VCL: variants seen among roughly 807,000 people sequenced by gnomAD.
The protein encoded by VCL is epididymis luminal protein 114.
A neutral mutation model predicts 125.7 loss-of-function variants in VCL; 47 were observed. That is an observed-to-expected ratio of 0.37 (90% CI 0.30 to 0.48). VCL has a LOEUF of 0.48. VCL is among the 20% of genes least tolerant of loss of function. The pLI is 0.99. For synonymous variants in VCL, 458 were observed against 514.6 expected (o/e 0.89, Z 1.49); for missense variants, 1,069 against 1,455.5 (o/e 0.73, Z 4.32).
intron 2 of VCL, among the ~76,000 whole-genome samples, chr10:74,066,063 T>TATATATGTA (rs1297685805): frequency 1.0e-5 from 1 of 95,636 alleles, no homozygotes. Flanking sequence ...ATATATATAT[T>TATATATGTA]TTTTTTTTTT....
At chr10:74,070,181 C>G (rs1841642548) in intron 2 of VCL, among the ~76,000 whole-genome samples, 1 of 152,100 alleles carries the variant, frequency 6.6e-6, no homozygotes, top group Non-Finnish European at 1.5e-5. Flanking sequence ...CATGCTTTGG[C>G]ATTTTATTTC....
At chr10:74,030,727 C>T (rs1257350690) in intron 1 of VCL, among the ~76,000 whole-genome samples, 2 of 152,280 alleles carry the variant, frequency 1.3e-5, no homozygotes, top group East Asian at 3.9e-4. Flanking sequence ...TGCTGCCAGA[C>T]CTTCTAAGAT....
intron 10 of VCL, among the ~76,000 whole-genome samples, chr10:74,090,511 A>G (rs760078819): frequency 3.9e-5 from 6 of 152,192 alleles, no homozygotes; most frequent in Non-Finnish European, 5.9e-5. Context: ...TCTTTGATAC[A>G]TCATGTTTAT....
intron 8 of VCL, among the ~76,000 whole-genome samples, chr10:74,084,605 T>C (rs1053221659): frequency 6.7e-6 from 1 of 150,168 alleles, no homozygotes; most frequent in African/African-American, 2.5e-5. Flanking sequence ...TCTTTTTCTT[T>C]TTCTTTTTCT....
chr10:74,074,586 G>A (rs371841736), intron 5 of VCL, among the ~76,000 whole-genome samples, 157 bp from the exon 6 acceptor site: 6 of 152,052 alleles, frequency 3.9e-5, no homozygotes, highest in African/African-American at 7.2e-5. Flanking sequence ...GGTTGTTAAT[G>A]TTGGAACTTT....
At chr10:74,070,878 T>C in intron 3 of VCL, 58 bp downstream of exon 3, 1 of 1,612,478 alleles carries the variant, frequency 6.2e-7, no homozygotes, top group Non-Finnish European at 8.5e-7. Context: ...GATTGATGAT[T>C]GTTTAGAATG....
At chr10:74,008,409 G>A (rs1165009755) in intron 1 of VCL, among the ~76,000 whole-genome samples, 2 of 152,212 alleles carry the variant, frequency 1.3e-5, no homozygotes, top group Non-Finnish European at 2.9e-5. Context: ...AATTCATAAT[G>A]TGAGAGTATG....
rs143756208 is a variant in VCL at position 74,051,492 on chromosome 10, C to T, written c.239+8339C>T. Among the ~76,000 whole-genome samples, 529 of 152,270 alleles carry T rather than the reference C, an allele frequency of 3.5e-3. 1 individual carries two copies. The highest frequency in any genetic ancestry group is 0.012 in the African/African-American group (488 of 41,548). On this transcript the variant is annotated intron_variant, in intron 2 of 21. Coordinates refer to ENST00000211998, the MANE Select transcript of VCL (RefSeq NM_014000.3). ...CAATTTCTTAAATACCTTGTATGAG[C>T]TGGGTATTTTAAGTTGTGTTATTTA...
rs886047216 is a variant in VCL at position 73,998,362 on chromosome 10, G to C, written c.155G>C (p.Ser52Thr). 5.2e-6 allele frequency: 8 copies of C among 1,541,882 alleles called. No homozygotes were observed. Among genetic ancestry groups the C allele is most frequent in the Non-Finnish European group, 7.0e-6 (8 of 1,141,962 alleles). Residue 52 changes from serine (S) to threonine (T), a missense_variant, in exon 1 of 22, where the codon AGC becomes ACC. Ser to Thr is a moderately conservative substitution (Grantham distance 58, BLOSUM62 1). Coordinates refer to ENST00000211998, the MANE Select transcript of VCL (RefSeq NM_014000.3). ...GTGGCCGCCGTGCAGGCGGCCGTCA[G>C]CAACCTCGTCCGGGTGAGCGCGCAG... ...APVAAVQAAVSNLVRVGKETV... is the reference protein window; with the variant it reads ...APVAAVQAAVTNLVRVGKETV...
At chr10:74,120,422 AAC>A (rs1378992128), downstream of VCL, 1 of 152,226 alleles carries the variant, frequency 6.6e-6, no homozygotes, top group African/African-American at 2.4e-5. Flanking sequence ...AGCTGGATGA[AAC>A]AGTTTATTTT....
intron 2 of VCL, among the ~76,000 whole-genome samples, chr10:74,049,864 G>C (rs1841267556): frequency 6.6e-6 from 1 of 152,194 alleles, no homozygotes; most frequent in Admixed American, 6.5e-5. Flanking sequence ...AAACTGACCA[G>C]ATTTATTTTC....
chr10:74,025,556 G>A (rs1840755461), intron 1 of VCL, among the ~76,000 whole-genome samples: 3 of 151,452 alleles, frequency 2.0e-5, no homozygotes, highest in Non-Finnish European at 4.4e-5. Flanking sequence ...CAAGGTTGCA[G>A]TGAGCTGAGA....
rs574840168 is a variant in VCL, at chr10:74,064,694, CA to C, written c.240-5975del. ...AAGTACTGGGATTACAGGCATGAGC[CA>C]CTGTGCCTGTCCACAAAGACACTTT... On this transcript the variant is annotated intron_variant, in intron 2 of 21. Transcript: ENST00000211998. Among the ~76,000 whole-genome samples, 295 of 152,248 alleles carry C rather than the reference CA, an allele frequency of 1.9e-3. 1 individual carries two copies. The highest frequency in any genetic ancestry group is 6.5e-3 in the African/African-American group (271 of 41,524).
chr10:74,110,214 G>A (rs1312931356), intron 18 of VCL, among the ~76,000 whole-genome samples: 1 of 152,208 alleles, frequency 6.6e-6, no homozygotes, highest in African/African-American at 2.4e-5. Flanking sequence ...TGCATGGGGA[G>A]TGGGGGAGGG....
chr10:74,087,151 CTA>C (rs1016645176), intron 8 of VCL, among the ~76,000 whole-genome samples: 1 of 151,964 alleles, frequency 6.6e-6, no homozygotes, highest in African/African-American at 2.4e-5. Flanking sequence ...ATCCTAAAGA[CTA>C]TGTTTCCTAA....
chr10:74,022,587 A>AATAC (rs1840691650), intron 1 of VCL, among the ~76,000 whole-genome samples: 1 of 71,622 alleles, frequency 1.4e-5, no homozygotes, highest in South Asian at 3.2e-4. Context: ...TAAATAAATA[A>AATAC]ATAAATAAAT....
chr10:74,010,107 T>G (rs1840404557), intron 1 of VCL, among the ~76,000 whole-genome samples: 1 of 151,938 alleles, frequency 6.6e-6, no homozygotes, highest in Admixed American at 6.6e-5. Flanking sequence ...GTATTTTTAG[T>G]AGAGACAGAG....
At chr10:74,086,669 G>A (rs1346405297) in intron 8 of VCL, among the ~76,000 whole-genome samples, 2 of 152,186 alleles carry the variant, frequency 1.3e-5, no homozygotes, top group South Asian at 2.1e-4. Context: ...AAGAGAATGA[G>A]GTAGTTATTG....
rs761886406 is a variant in VCL at position 74,117,988 on chromosome 10, AC to A, written c.3259-32del. 5 of 1,612,996 alleles carry A rather than the reference AC, an allele frequency of 3.1e-6. No homozygotes were observed. The South Asian group carries it at 4.4e-5, about 14-fold the overall frequency. ...TTTTAGAGACAGGCCTGCATCAGGG[AC>A]CCTGGGTAACGGAAAGTACCTTTTT... On this transcript the variant is annotated intron_variant, in intron 21 of 21. Transcript: ENST00000211998.
Sources: allele counts gnomAD v4.1 joint callset (sites outside exome capture counted in the v4.1 genomes callset), GRCh38; gene constraint gnomAD v4.1.1; transcripts MANE v1.5; gene names NCBI Gene and HGNC (gene_info 2026-07-23, HGNC 2026-07-21).